TTC7A: variants seen among roughly 807,000 people sequenced by gnomAD.
TTC7A encodes tetratricopeptide repeat domain 7A, also known as tetratricopeptide repeat protein 7A.
A neutral mutation model predicts 103.7 loss-of-function variants in TTC7A; 110 were observed. The ratio of observed to expected loss-of-function variants is 1.06; its 90% CI spans 0.91 to 1.24. The LOEUF (loss-of-function observed/expected upper bound fraction) is 1.24, where lower values mean the gene tolerates loss of function less well. Ranked by LOEUF, TTC7A falls within the 50% of genes most tolerant of loss-of-function variation. TTC7A has a pLI of 0.00. For synonymous variants in TTC7A, 521 were observed against 467.9 expected (o/e 1.11, Z -1.47); for missense variants, 1,340 against 1,116.3 (o/e 1.20, Z -2.86).
At chr2:47,066,531 A>AC (rs1391258274) in intron 19 of TTC7A, among the ~76,000 whole-genome samples, 1 of 151,328 alleles carries the variant, frequency 6.6e-6, no homozygotes, top group Non-Finnish European at 1.5e-5. Flanking sequence ...TTCACCCATC[A>AC]CCCCCTCCGC....
chr2:46,997,358 G>A (rs950531226), intron 8 of TTC7A, among the ~76,000 whole-genome samples: 15 of 152,156 alleles, frequency 9.9e-5, no homozygotes, highest in Non-Finnish European at 5.9e-5. Flanking sequence ...GGCTGGAAAC[G>A]GGGTCGTCTG....
At chr2:46,945,027 A>G (rs963113398) in intron 1 of TTC7A, among the ~76,000 whole-genome samples, 2 of 152,228 alleles carry the variant, frequency 1.3e-5, no homozygotes, top group African/African-American at 2.4e-5. Flanking sequence ...AATATACAGT[A>G]AAGGTCAAAA....
At chr2:46,992,815 A>G (rs577787265) in intron 5 of TTC7A, among the ~76,000 whole-genome samples, 7 of 152,366 alleles carry the variant, frequency 4.6e-5, no homozygotes, top group African/African-American at 7.2e-5. Flanking sequence ...TTGATTGCAC[A>G]TAGGAGAGAT....
chr2:46,924,958 T>C (rs752140257), intron 2 of TTC7A, among the ~76,000 whole-genome samples: 1 of 152,222 alleles, frequency 6.6e-6, no homozygotes, highest in African/African-American at 2.4e-5. Context: ...GTACTCTTAG[T>C]TTTTGGTAAA....
intron 3 of TTC7A, among the ~76,000 whole-genome samples, chr2:46,966,790 CTTT>C: frequency 7.5e-6 from 1 of 132,660 alleles, no homozygotes. Context: ...CCACCCCCAG[CTTT>C]TTTTTTTTTT....
At chr2:47,017,323 T>C (rs1678777544) in intron 11 of TTC7A, among the ~76,000 whole-genome samples, 1 of 151,430 alleles carries the variant, frequency 6.6e-6, no homozygotes, top group East Asian at 1.9e-4. Context: ...CAGACAAGCC[T>C]GGACCACATA....
At chr2:47,026,059 G>A (rs567272091) in intron 14 of TTC7A, among the ~76,000 whole-genome samples, 2 of 152,350 alleles carry the variant, frequency 1.3e-5, no homozygotes, top group Non-Finnish European at 2.9e-5. Context: ...GGCCAGGCCA[G>A]CGGAGCCAGT....
chr2:46,967,760 C>G (rs59785154), intron 3 of TTC7A, among the ~76,000 whole-genome samples: 9,224 of 152,132 alleles, frequency 0.061, 293 homozygotes, highest in Non-Finnish European at 0.072. Context: ...GCTTTCTATT[C>G]TTTTGGGTAT....
In TTC7A at chr2:46,994,646, C is replaced by T. The variant is rs1675977950; in HGVS notation, c.1001+132C>T. 5 of 885,778 alleles carry T rather than the reference C, an allele frequency of 5.6e-6. No homozygotes were observed. In the East Asian group the frequency reaches 1.2e-4, roughly 22 times the overall value. The allele number at this position is 885,778 out of a possible 1,614,324, so 54.9% of individuals were successfully genotyped here. A position where few individuals can be genotyped will look rare whatever the true frequency, so the allele number is the denominator to read the frequency against. On this transcript the variant is annotated intron_variant, in intron 7 of 19. Transcript: ENST00000319190. ...TCAGCACACTGCCAGCCAGCCTCCT[C>T]AGTCTCAGCAGGAGCCAGATGAACT...
chr2:47,018,945 C>A (rs1449738822), intron 11 of TTC7A, among the ~76,000 whole-genome samples: 1 of 152,106 alleles, frequency 6.6e-6, no homozygotes, highest in Non-Finnish European at 1.5e-5. Flanking sequence ...GCTAGACTGC[C>A]CTGCCTCTTT....
chr2:46,918,030 T>C (rs1236540864), intron 2 of TTC7A, among the ~76,000 whole-genome samples: 1 of 152,236 alleles, frequency 6.6e-6, no homozygotes, highest in Non-Finnish European at 1.5e-5. Flanking sequence ...CATTTATAAA[T>C]AGATGACTCC....
upstream of TTC7A, among the ~76,000 whole-genome samples, chr2:46,939,837 G>A (rs749925603): frequency 6.6e-6 from 1 of 152,184 alleles, no homozygotes; most frequent in Non-Finnish European, 1.5e-5. Flanking sequence ...GAGTTGACTG[G>A]AGTAAGCCAG....
At position 46,941,717 on chromosome 2, in the gene TTC7A, C is replaced by T; in HGVS notation, c.176C>T (p.Pro59Leu). 1 of 1,550,222 alleles carries T rather than the reference C, an allele frequency of 6.5e-7. No individual in the cohort carries two copies. The highest frequency in any genetic ancestry group is 2.4e-5 in the East Asian group (1 of 40,990). The change falls in exon 1 of 20, where the codon CCG (proline) becomes CTG (leucine). Residue 59 changes from proline to leucine, a missense_variant. Physicochemically the swap from Pro to Leu is moderately conservative, Grantham distance 98. Coordinates refer to ENST00000319190, the MANE Select transcript of TTC7A (RefSeq NM_020458.4). This position sits in a 1 kb window ranked among gnomAD's most constrained non-coding sequence, Gnocchi z 4.2. ...RGSPSAAFTF[P>L]DTDDFGKLLL... The stretch of plus-strand genomic sequence containing the variant: ...AGCCCGAGCGCAGCGTTCACCTTTC[C>T]GGACACCGGTGAGTAAGGGAAGAGG...
At chr2:47,067,565 A>T (rs1684282568) in intron 19 of TTC7A, among the ~76,000 whole-genome samples, 1 of 152,146 alleles carries the variant, frequency 6.6e-6, no homozygotes, top group Non-Finnish European at 1.5e-5. Context: ...TGGTTTTTAA[A>T]ATGAGTATCA....
At chr2:46,995,050 C>T (rs529656711) in intron 7 of TTC7A, 86 bp from the exon 8 acceptor site, 2 of 1,318,944 alleles carry the variant, frequency 1.5e-6, no homozygotes, top group African/African-American at 2.9e-5. Flanking sequence ...GGTGCTGACT[C>T]TGGGGCAGAA....
At chr2:46,924,119 G>A (rs1335362912) in intron 2 of TTC7A, among the ~76,000 whole-genome samples, 1 of 151,606 alleles carries the variant, frequency 6.6e-6, no homozygotes, top group Non-Finnish European at 1.5e-5. Context: ...TGAGAGGATC[G>A]CCTGGGCCCA....
intron 8 of TTC7A, chr2:46,999,584 T>C (rs1462874543): frequency 1.0e-6 from 1 of 985,316 alleles, no homozygotes; most frequent in East Asian, 1.1e-4. Flanking sequence ...CTACTGCAGT[T>C]TGTACCCAGG....
intron 8 of TTC7A, among the ~76,000 whole-genome samples, chr2:46,995,503 A>C (rs1022387656): frequency 2.6e-5 from 4 of 152,222 alleles, no homozygotes; most frequent in Admixed American, 6.5e-5. Flanking sequence ...GGTCACAGTA[A>C]AATGTTACAT....
chr2:46,946,491 A>G (rs1028713966), intron 1 of TTC7A, among the ~76,000 whole-genome samples: 1 of 152,074 alleles, frequency 6.6e-6, no homozygotes, highest in South Asian at 2.1e-4. Context: ...TGGCACAGTC[A>G]TGGCTCCCTA....
Sources: gnomAD v4.1 joint callset for allele counts (sites outside exome capture counted in the v4.1 genomes callset) on GRCh38, gnomAD v4.1.1 for gene constraint, Gnocchi (gnomAD v3.1) non-coding constraint, MANE v1.5 for transcripts, NCBI Gene and HGNC (gene_info 2026-07-23, HGNC 2026-07-21) for gene names.